Variants in RUNDC3B observed in about 807,000 individuals in gnomAD.
RUNDC3B encodes the protein RUN domain containing 3B, also known as RUN domain-containing protein 3B.
Under a neutral mutation model 58.4 loss-of-function variants are expected in RUNDC3B, and 33 were observed. The ratio of observed to expected loss-of-function variants is 0.56; its 90% CI spans 0.43 to 0.75. The LOEUF (loss-of-function observed/expected upper bound fraction) is 0.75, where lower values mean the gene tolerates loss of function less well. Among genes scored for constraint, RUNDC3B ranks in the 30% least tolerant of loss-of-function variants. RUNDC3B has a pLI of 0.00. For synonymous variants in RUNDC3B, 193 were observed against 195.2 expected, an observed-to-expected ratio of 0.99 and a Z score of 0.10; for missense variants, 501 against 535.7, an observed-to-expected ratio of 0.94 and a Z score of 0.64.
intron 6 of RUNDC3B, among the ~76,000 whole-genome samples, chr7:87,752,173 A>G (rs1336557448): frequency 6.6e-6 from 1 of 152,228 alleles, no homozygotes; most frequent in Non-Finnish European, 1.5e-5. Context: ...ATGCTGGATT[A>G]CATTTATTGA....
intron 1 of RUNDC3B, among the ~76,000 whole-genome samples, chr7:87,646,315 T>A (rs1039629237): frequency 1.4e-4 from 21 of 152,120 alleles, no homozygotes; most frequent in African/African-American, 5.1e-4. Context: ...ACAAAGTAAA[T>A]AGTTTGTTAA....
At chr7:87,814,825 C>CTG (rs550536494) in intron 9 of RUNDC3B, among the ~76,000 whole-genome samples, 2 of 152,076 alleles carry the variant, frequency 1.3e-5, no homozygotes, top group African/African-American at 4.8e-5. Context: ...AGTGAGAACA[C>CTG]TGTATTATAA....
rs192847957 is a variant in RUNDC3B at position 87,807,933 on chromosome 7, G to A, written c.1103+414G>A. On this transcript the variant is annotated intron_variant, in intron 9 of 10. Transcript: ENST00000394654. Reference sequence around the variant, plus strand: ...TCAATAAATCTGATTTTTAGAAACCGTAGAAGATATAATCACTTCACCTAT... The same window carrying A: ...TCAATAAATCTGATTTTTAGAAACCATAGAAGATATAATCACTTCACCTAT... Among the ~76,000 whole-genome samples the A allele has an allele frequency of 1.9e-3, 287 of 152,166 alleles. 1 individual carries two copies. The highest frequency in any genetic ancestry group is 3.1e-3 in the Non-Finnish European group (214 of 67,980).
chr7:87,738,960 C>T (rs1832153967), intron 4 of RUNDC3B, among the ~76,000 whole-genome samples: 5 of 151,732 alleles, frequency 3.3e-5, no homozygotes, highest in Admixed American at 3.3e-4. Flanking sequence ...GTGGTGTTCA[C>T]TCTCTTATAT....
chr7:87,784,300 T>C (rs1049275502), intron 8 of RUNDC3B, among the ~76,000 whole-genome samples: 2 of 152,174 alleles, frequency 1.3e-5, no homozygotes, highest in African/African-American at 4.8e-5. Flanking sequence ...AGTTTTTGAA[T>C]TGCTAGAGTT....
At chr7:87,707,943 A>T (rs556676845) in intron 3 of RUNDC3B, among the ~76,000 whole-genome samples, 2 of 152,230 alleles carry the variant, frequency 1.3e-5, no homozygotes, top group South Asian at 4.1e-4. Context: ...ATGAAAAAAT[A>T]AATCACAATT....
intron 7 of RUNDC3B, among the ~76,000 whole-genome samples, chr7:87,773,699 A>T (rs2130875698): frequency 2.9e-5 from 3 of 104,386 alleles, no homozygotes; most frequent in Non-Finnish European, 5.8e-5. Flanking sequence ...TTGTTTTGAG[A>T]TGGAGTCTCG....
chr7:87,680,276 T>C (rs1242526692), intron 2 of RUNDC3B, among the ~76,000 whole-genome samples: 2 of 150,764 alleles, frequency 1.3e-5, no homozygotes, highest in African/African-American at 2.5e-5. Flanking sequence ...CAGTCTATCA[T>C]TGATAGACAT....
chr7:87,679,195 C>G (rs1826679449), intron 2 of RUNDC3B, among the ~76,000 whole-genome samples: 1 of 147,558 alleles, frequency 6.8e-6, no homozygotes, highest in Non-Finnish European at 1.5e-5. Flanking sequence ...TGGGTTCACA[C>G]CATTCTCCTG....
At chr7:87,827,684 T>A (rs1052718772) in intron 10 of RUNDC3B, among the ~76,000 whole-genome samples, 6 of 152,150 alleles carry the variant, frequency 3.9e-5, no homozygotes, top group African/African-American at 1.4e-4. Context: ...CCAGTGACAG[T>A]TGAAGACATA....
intron 1 of RUNDC3B, among the ~76,000 whole-genome samples, chr7:87,644,026 T>G (rs1822727453): frequency 6.6e-6 from 1 of 152,162 alleles, no homozygotes; most frequent in Non-Finnish European, 1.5e-5. Flanking sequence ...ACCTGGATAA[T>G]TTTTATATTT....
chr7:87,630,452 A>T (rs567798733), intron 1 of RUNDC3B, among the ~76,000 whole-genome samples: 1 of 152,174 alleles, frequency 6.6e-6, no homozygotes, highest in Non-Finnish European at 1.5e-5. Flanking sequence ...ACTTTTTGAG[A>T]CAAATAGGCT....
chr7:87,725,553 G>A (rs1398649675), intron 4 of RUNDC3B, among the ~76,000 whole-genome samples: 1 of 152,174 alleles, frequency 6.6e-6, no homozygotes, highest in Non-Finnish European at 1.5e-5. Flanking sequence ...ATAAACATAT[G>A]TGTGCATGTG....
Position 87,637,018 on chromosome 7 carries a change from T to TA in RUNDC3B, c.122+8077dup, listed in dbSNP as rs1821841306. On this transcript the variant is annotated intron_variant, in intron 1 of 10. Transcript: ENST00000394654. ...ACCAAGCAAAGGGGGAAGCCCCTTATAAAACCATCAGCTCTCGTGAGCTCT... is the reference window on the plus strand; with the variant it reads ...ACCAAGCAAAGGGGGAAGCCCCTTATAAAAACCATCAGCTCTCGTGAGCTCT... 2.0e-5 allele frequency among the ~76,000 whole-genome samples: 3 copies of TA among 152,264 alleles called. No homozygotes were observed. In the South Asian group the frequency reaches 6.2e-4, roughly 32 times the overall value.
At chr7:87,691,049 A>G (rs1827971317) in intron 2 of RUNDC3B, among the ~76,000 whole-genome samples, 3 of 152,182 alleles carry the variant, frequency 2.0e-5, no homozygotes. Flanking sequence ...TGATCAAAGA[A>G]ATGGAAATGA....
At chr7:87,645,832 G>T (rs58448193) in intron 1 of RUNDC3B, among the ~76,000 whole-genome samples, 1 of 151,974 alleles carries the variant, frequency 6.6e-6, no homozygotes, top group Non-Finnish European at 1.5e-5. Flanking sequence ...GGGAAGAATC[G>T]GTTAGCTGAA....
At chr7:87,662,420 A>C (rs1770102268) in intron 2 of RUNDC3B, among the ~76,000 whole-genome samples, 1 of 151,974 alleles carries the variant, frequency 6.6e-6, no homozygotes, top group Non-Finnish European at 1.5e-5. Context: ...TTTTGATTTG[A>C]TTTTTTGTAT....
chr7:87,763,325 T>G (rs1394498427), intron 6 of RUNDC3B, among the ~76,000 whole-genome samples: 1 of 151,688 alleles, frequency 6.6e-6, no homozygotes, highest in East Asian at 1.9e-4. Context: ...TCTCAATATT[T>G]GTTTAGGTTT....
At chr7:87,661,084 T>C (rs949939271) in intron 2 of RUNDC3B, among the ~76,000 whole-genome samples, 2 of 151,996 alleles carry the variant, frequency 1.3e-5, no homozygotes, top group South Asian at 4.1e-4. Context: ...TATTAGGTAT[T>C]TTAAATGATT....
Sources: gnomAD v4.1 joint callset for allele counts (sites outside exome capture counted in the v4.1 genomes callset) on GRCh38, gnomAD v4.1.1 for gene constraint, MANE v1.5 for transcripts, NCBI Gene and HGNC (gene_info 2026-07-23, HGNC 2026-07-21) for gene names.